The following PANK4 variants were observed in gnomAD, a reference collection of about 807,000 sequenced individuals.
PANK4 encodes the protein pantothenate kinase 4 (inactive), also known as 4'-phosphopantetheine phosphatase.
PANK4 carries 40 observed loss-of-function variants against 87.9 expected under a neutral mutation model. The observed-to-expected ratio is 0.46, with a 90% CI of 0.35 to 0.59. PANK4 has a LOEUF of 0.59. Among genes scored for constraint, PANK4 ranks in the 20% least tolerant of loss-of-function variants. The pLI is 0.00. For missense variants in PANK4, 926 were observed against 1,072.3 expected (o/e 0.86, Z 1.90); for synonymous variants, 524 against 467.4 (o/e 1.12, Z -1.56).
chr1:2,515,280 C>T lies in PANK4; in HGVS notation c.1374+282G>A, dbSNP rs1486878492. 2.7e-5 allele frequency: 17 copies of T among 640,290 alleles called. No homozygotes were observed. The African/African-American group carries it at 2.7e-4, about 10-fold the overall frequency. 39.7% of individuals were successfully genotyped at this position (640,290 alleles called of 1,614,324 possible). A position where few individuals can be genotyped will look rare whatever the true frequency, so the allele number is the denominator to read the frequency against. On this transcript the variant is annotated intron_variant, in intron 10 of 18. Transcript: ENST00000378466. This position sits in a 1 kb window ranked among gnomAD's most constrained non-coding sequence, Gnocchi z 5.0. ...CACCTCAAAAGAGCAGAGACGTCTC[C>T]TAAATTGCTTTTTGAAGGAATGTGC...
At position 2,520,029 on chromosome 1, in the gene PANK4, A is replaced by G. The variant is rs1643861829; in HGVS notation, c.700-75T>C. The G allele has an allele frequency of 7.1e-7, 1 of 1,414,298 alleles. No homozygotes were observed. 87.6% of individuals were successfully genotyped at this position (1,414,298 alleles called of 1,614,324 possible). A position where few individuals can be genotyped will look rare whatever the true frequency, so the allele number is the denominator to read the frequency against. On this transcript the variant is annotated intron_variant, in intron 5 of 18. Transcript: ENST00000378466. The surrounding 1 kb of genome is among the most constrained non-coding windows in gnomAD (Gnocchi z 6.2). ...CCCCACGACCCCAGAAACCAAGCCC[A>G]TGGCAGGAGGCACGCGCGGGCAGGG...
chr1:2,509,866 G>A lies in PANK4; in HGVS notation c.2104C>T (p.Leu702Phe). Residue 702 changes from leucine to phenylalanine, a missense_variant, in exon 18 of 19, where the codon CTC becomes TTC. Leu to Phe is a conservative substitution (Grantham distance 22). Coordinates refer to ENST00000378466, the MANE Select transcript of PANK4 (RefSeq NM_018216.4). This position sits in a 1 kb window ranked among gnomAD's most constrained non-coding sequence, Gnocchi z 4.9. Reference protein sequence around the residue: ...QTGSSSPCLDLSRLDKGLAAL... With the variant: ...QTGSSSPCLDFSRLDKGLAAL... ...AGGTGCAGGGTGCGGGGTTACCTGAGGTCGAGGCACGGGGAGCTGGAGCCC... is the reference window on the plus strand; with the variant it reads ...AGGTGCAGGGTGCGGGGTTACCTGAAGTCGAGGCACGGGGAGCTGGAGCCC... The A allele has an allele frequency of 6.2e-7, 1 of 1,611,532 alleles. No homozygotes were observed. Among genetic ancestry groups the A allele is most frequent in the African/African-American group, 1.3e-5 (1 of 75,004 alleles).
chr1:2,511,828 CA>C, intron 13 of PANK4, 145 bp from the exon 14 acceptor site: 1 of 656,462 alleles, frequency 1.5e-6, no homozygotes, highest in Non-Finnish European at 2.8e-6. Context: ...CCAGGTGGGA[CA>C]GGGGCAGCTG....
chr1:2,511,252 C>T (rs1347405544), intron 15 of PANK4, 86 bp downstream of exon 15: 3 of 892,194 alleles, frequency 3.4e-6, no homozygotes, highest in Non-Finnish European at 5.6e-6. Flanking sequence ...CCACCCGAGG[C>T]AGCCCATGCC....
At chr1:2,512,636 T>C in intron 13 of PANK4, 1 of 541,586 alleles carries the variant, frequency 1.8e-6, no homozygotes, top group South Asian at 2.5e-5. Flanking sequence ...TCCACACCCT[T>C]AGGCCTCTGC....
At position 2,520,244 on chromosome 1, in the gene PANK4, G is replaced by A. The variant is rs926563818; in HGVS notation, c.699+78C>T. 9 of 1,367,758 alleles carry A rather than the reference G, an allele frequency of 6.6e-6. No individual in the cohort carries two copies. Among genetic ancestry groups the A allele is most frequent in the East Asian group, 4.6e-5 (2 of 43,576 alleles). 84.7% of individuals were successfully genotyped at this position (1,367,758 alleles called of 1,614,324 possible). ...GAGGCCCGGAAGCAGCTTTTGCACC[G>A]CCCAGCTGCAGGCCTTCGGGGGAAG... is the stretch of plus-strand genomic sequence containing the variant. On this transcript the variant is annotated intron_variant, in intron 5 of 18. Transcript: ENST00000378466. This position sits in a 1 kb window ranked among gnomAD's most constrained non-coding sequence, Gnocchi z 6.2.
chr1:2,522,110 C>T (rs1643880228), intron 1 of PANK4, among the ~76,000 whole-genome samples: 1 of 152,226 alleles, frequency 6.6e-6, no homozygotes, highest in South Asian at 2.1e-4. Flanking sequence ...TTTGGGTAAC[C>T]TTGGTTATCC....
rs1384376659 is a variant in PANK4 at position 2,515,167 on chromosome 1, C to G, written c.1374+395G>C. Reference sequence around the variant, plus strand: ...TGGAGAAGGTGGGACGCAGGAGTCCCAAGGTGGCCTCGCCGGGAGCTTGCT... The same window carrying G: ...TGGAGAAGGTGGGACGCAGGAGTCCGAAGGTGGCCTCGCCGGGAGCTTGCT... On this transcript the variant is annotated intron_variant, in intron 10 of 18. Transcript: ENST00000378466. This position sits in a 1 kb window ranked among gnomAD's most constrained non-coding sequence, Gnocchi z 5.0. The G allele has an allele frequency of 1.3e-5, 5 of 394,872 alleles. No individual in the cohort carries two copies. Among genetic ancestry groups the G allele is most frequent in the Admixed American group, 3.0e-5 (1 of 32,812 alleles). The allele number at this position is 394,872 out of a possible 1,614,324, so 24.5% of individuals were successfully genotyped here.
At chr1:2,517,879 A>C (rs2100784150) in intron 9 of PANK4, among the ~76,000 whole-genome samples, 1 of 152,318 alleles carries the variant, frequency 6.6e-6, no homozygotes, top group Admixed American at 6.5e-5. Flanking sequence ...TCACCCCTGA[A>C]CTTTAGCAAT....
At position 2,520,045 on chromosome 1, in the gene PANK4, G is replaced by T; in HGVS notation, c.700-91C>A. On this transcript the variant is annotated intron_variant, in intron 5 of 18. Transcript: ENST00000378466. The surrounding 1 kb of genome is among the most constrained non-coding windows in gnomAD (Gnocchi z 6.2). ...ACCAAGCCCATGGCAGGAGGCACGC[G>T]CGGGCAGGGGGTAAATGGGCCCTCA... 1 of 1,269,690 alleles carries T rather than the reference G, an allele frequency of 7.9e-7. No individual in the cohort carries two copies. Among genetic ancestry groups the T allele is most frequent in the Admixed American group, 2.5e-5 (1 of 40,054 alleles). 78.7% of individuals were successfully genotyped at this position (1,269,690 alleles called of 1,614,324 possible). A position where few individuals can be genotyped will look rare whatever the true frequency, so the allele number is the denominator to read the frequency against.
At position 2,519,386 on chromosome 1, in the gene PANK4, A is replaced by G; in HGVS notation, c.854-62T>C. 1 of 835,646 alleles carries G rather than the reference A, an allele frequency of 1.2e-6. No homozygotes were observed. The allele number at this position is 835,646 out of a possible 1,614,324, so 51.8% of individuals were successfully genotyped here. ...ACAGCAAGTGCACGACATGAGAGCG[A>G]GCAGGAGGGGAGGGGGAGAGAGAGC... On this transcript the variant is annotated intron_variant, in intron 6 of 18. Transcript: ENST00000378466. The surrounding 1 kb of genome is among the most constrained non-coding windows in gnomAD (Gnocchi z 8.3).
chr1:2,510,911 G>A lies in PANK4; in HGVS notation c.1834-129C>T. On this transcript the variant is annotated intron_variant, in intron 15 of 18. Coordinates refer to ENST00000378466, the MANE Select transcript of PANK4 (RefSeq NM_018216.4). The surrounding 1 kb of genome is among the most constrained non-coding windows in gnomAD (Gnocchi z 4.9). ...GGGCTTCAGGGCCCCAGAGATGCCA[G>A]GGATGGGCTGTCCTGCAGGGGCCGA... is the stretch of plus-strand genomic sequence containing the variant. 1 of 648,328 alleles carries A rather than the reference G, an allele frequency of 1.5e-6. No homozygotes were observed. 40.2% of individuals were successfully genotyped at this position (648,328 alleles called of 1,614,324 possible).
In PANK4 at chr1:2,521,359, C is replaced by T. The variant is rs59164871; in HGVS notation, c.208-44G>A. 146 of 1,489,172 alleles carry T rather than the reference C, an allele frequency of 9.8e-5. No homozygotes were observed. In the African/African-American group the frequency reaches 1.7e-3, roughly 17 times the overall value. The allele number at this position is 1,489,172 out of a possible 1,614,324, so 92.2% of individuals were successfully genotyped here. A position where few individuals can be genotyped will look rare whatever the true frequency, so the allele number is the denominator to read the frequency against. ...GAGGCCGCATGTGTGTGGGACACCGCGCCGGGCTGGGCTGTGCGCACCCTG... is the reference window on the plus strand; with the variant it reads ...GAGGCCGCATGTGTGTGGGACACCGTGCCGGGCTGGGCTGTGCGCACCCTG... On this transcript the variant is annotated intron_variant, in intron 2 of 18. Coordinates refer to ENST00000378466, the MANE Select transcript of PANK4 (RefSeq NM_018216.4).
chr1:2,512,929 CAGG>C lies in PANK4; in HGVS notation c.1683_1685del (p.Leu562del), dbSNP rs1475644493. ...CCCCCCAGTCGAAGACATTCCCCGC[CAGG>C]AGGCCTTTCACCAGCGCCAGCTGCC... On this transcript the variant is annotated inframe_deletion, in exon 13 of 19. Coordinates refer to ENST00000378466, the MANE Select transcript of PANK4 (RefSeq NM_018216.4). 3 of 1,612,736 alleles carry C rather than the reference CAGG, an allele frequency of 1.9e-6. No individual in the cohort carries two copies. Among genetic ancestry groups the C allele is most frequent in the African/African-American group, 2.7e-5 (2 of 74,952 alleles).
At position 2,510,027 on chromosome 1, in the gene PANK4, G is replaced by GC. The variant is rs201665819; in HGVS notation, c.2039+29dup. 65 of 1,581,586 alleles carry GC rather than the reference G, an allele frequency of 4.1e-5. No individual in the cohort carries two copies. Among genetic ancestry groups the GC allele is most frequent in the Non-Finnish European group, 5.4e-5 (63 of 1,157,382 alleles). Reference sequence around the variant, plus strand: ...CCAGCTGGTGCCCCTCCCCATCAAGGCCCCCCCAGCACTGCCCGCCAACAC... The same window carrying GC: ...CCAGCTGGTGCCCCTCCCCATCAAGGCCCCCCCCAGCACTGCCCGCCAACAC... On this transcript the variant is annotated intron_variant, in intron 17 of 18. Transcript: ENST00000378466. The surrounding 1 kb of genome is among the most constrained non-coding windows in gnomAD (Gnocchi z 4.9).
chr1:2,510,668 C>G lies in PANK4; in HGVS notation c.1938+10G>C. 2 of 1,525,224 alleles carry G rather than the reference C, an allele frequency of 1.3e-6. No individual in the cohort carries two copies. Among genetic ancestry groups the G allele is most frequent in the Middle Eastern group, 1.7e-4 (1 of 5,896 alleles). The allele number at this position is 1,525,224 out of a possible 1,614,324, so 94.5% of individuals were successfully genotyped here. On this transcript the variant is annotated intron_variant, in intron 16 of 18. Coordinates refer to ENST00000378466, the MANE Select transcript of PANK4 (RefSeq NM_018216.4). The surrounding 1 kb of genome is among the most constrained non-coding windows in gnomAD (Gnocchi z 4.9). ...AGGGGAAGGGCCCCACCCACCACCT[C>G]AACACTCACCTCTGTCCCTCTAAGG...
rs149944330 is a variant in PANK4 at position 2,510,077 on chromosome 1, C to G, written c.2019G>C (p.Ala673=). The part of the protein sequence containing the change: ...SESLIVAERI[A]GMDPVVHSAL... ...CTCACTGCACGACAGGGTCCATGCC[C>G]GCAATACGCTCTGCCACGATGAGGG... The change falls in exon 17 of 19, where the codon GCG becomes GCC. Residue 673 remains alanine (A), a synonymous_variant. Coordinates refer to ENST00000378466, the MANE Select transcript of PANK4 (RefSeq NM_018216.4). This position sits in a 1 kb window ranked among gnomAD's most constrained non-coding sequence, Gnocchi z 4.9. 7 of 1,610,482 alleles carry G rather than the reference C, an allele frequency of 4.3e-6. No homozygotes were observed. Among genetic ancestry groups the G allele is most frequent in the Non-Finnish European group, 5.9e-6 (7 of 1,178,832 alleles).
rs1434745853 is a variant in PANK4, at chr1:2,519,409, A to C, written c.854-85T>G. On this transcript the variant is annotated intron_variant, in intron 6 of 18. Transcript: ENST00000378466. This position sits in a 1 kb window ranked among gnomAD's most constrained non-coding sequence, Gnocchi z 8.3. ...CGAGCAGGAGGGGAGGGGGAGAGAG[A>C]GCTGAGTGGGAGGGGAGGGGGAGAG... The C allele has an allele frequency of 6.6e-5, 12 of 181,688 alleles. No homozygotes were observed. The highest frequency in any genetic ancestry group is 8.2e-6 in the Non-Finnish European group (1 of 121,542). The allele number at this position is 181,688 out of a possible 1,614,324, so 11.3% of individuals were successfully genotyped here.
rs570527995 is a variant in PANK4 at position 2,510,164 on chromosome 1, G to A, written c.1939-7C>T. 2.4e-5 allele frequency: 37 copies of A among 1,572,596 alleles called. No individual in the cohort carries two copies. The South Asian group carries it at 4.0e-4, about 17-fold the overall frequency. On this transcript the variant is annotated splice_polypyrimidine_tract_variant and splice_region_variant and intron_variant, in intron 16 of 18. Transcript: ENST00000378466. This position sits in a 1 kb window ranked among gnomAD's most constrained non-coding sequence, Gnocchi z 4.9. ...AGTTGCACGCCAGGATGACCTGCAGGAGGAGGGCCCAGGCTCTTTAGGAAC... is the reference window on the plus strand; with the variant it reads ...AGTTGCACGCCAGGATGACCTGCAGAAGGAGGGCCCAGGCTCTTTAGGAAC...
Sources: gnomAD v4.1 joint callset for allele counts (sites outside exome capture counted in the v4.1 genomes callset) on GRCh38, gnomAD v4.1.1 for gene constraint, Gnocchi (gnomAD v3.1) non-coding constraint, MANE v1.5 for transcripts, NCBI Gene and HGNC (gene_info 2026-07-23, HGNC 2026-07-21) for gene names.